Variants in CNIH3 observed in about 807,000 individuals in gnomAD.
CNIH3 encodes the protein cornichon family AMPA receptor auxiliary protein 3.
In CNIH3, 14 loss-of-function variants were observed where a neutral mutation model predicts 24.1. The observed-to-expected ratio is 0.58, with a 90% confidence interval of 0.38 to 0.91. The LOEUF (loss-of-function observed/expected upper bound fraction) is 0.91, where lower values mean the gene tolerates loss of function less well. CNIH3 is among the 40% of genes least tolerant of loss of function. The pLI is 0.00. For missense variants in CNIH3, 178 were observed against 196.8 expected (o/e 0.90, Z 0.57); for synonymous variants, 68 against 73.8 (o/e 0.92, Z 0.40).
chr1:224,545,251 C>G (rs1309194149), intron 2 of CNIH3, among the ~76,000 whole-genome samples: 1 of 152,164 alleles, frequency 6.6e-6, no homozygotes, highest in Non-Finnish European at 1.5e-5. Flanking sequence ...GGTGGGGACT[C>G]AAATGTGTGT....
At chr1:224,487,423 A>G (rs1677071076) in intron 1 of CNIH3, among the ~76,000 whole-genome samples, 1 of 152,170 alleles carries the variant, frequency 6.6e-6, no homozygotes, top group Non-Finnish European at 1.5e-5. Flanking sequence ...TCTCTCTCAC[A>G]CACACATATT....
At chr1:224,573,187 T>A (rs1680894720) in intron 4 of CNIH3, among the ~76,000 whole-genome samples, 1 of 152,234 alleles carries the variant, frequency 6.6e-6, no homozygotes, top group African/African-American at 2.4e-5. Flanking sequence ...CAAAGATTTG[T>A]TAATTTTGTT....
intron 3 of CNIH3, among the ~76,000 whole-genome samples, chr1:224,709,626 G>A (rs1367135845): frequency 2.0e-5 from 3 of 152,198 alleles, no homozygotes; most frequent in Non-Finnish European, 2.9e-5. Context: ...TAGAGAAAGA[G>A]GATGCCTGCA....
intron 1 of CNIH3, among the ~76,000 whole-genome samples, chr1:224,440,561 A>G (rs1326080462): frequency 1.3e-5 from 2 of 152,244 alleles, no homozygotes; most frequent in Admixed American, 6.5e-5. Flanking sequence ...GGTAATCACC[A>G]TGTACTGATA....
At chr1:224,445,574 TAAA>T (rs369951294) in intron 1 of CNIH3, among the ~76,000 whole-genome samples, 2 of 90,408 alleles carry the variant, frequency 2.2e-5, no homozygotes, top group South Asian at 8.7e-4. Flanking sequence ...GGACTCTGCT[TAAA>T]AAAAAAAAAA....
chr1:224,554,214 T>G (rs937085422), intron 3 of CNIH3, among the ~76,000 whole-genome samples: 1 of 152,186 alleles, frequency 6.6e-6, no homozygotes, highest in Admixed American at 6.5e-5. Flanking sequence ...CCTGACTTAG[T>G]GCAGGAGGAA....
chr1:224,637,984 A>G (rs1684176945), intron 1 of CNIH3, among the ~76,000 whole-genome samples: 1 of 152,272 alleles, frequency 6.6e-6, no homozygotes. Context: ...GAAAAGTAAA[A>G]TGAAGCAAAT....
intron 3 of CNIH3, among the ~76,000 whole-genome samples, chr1:224,609,671 TA>T (rs1682594250): frequency 1.3e-5 from 2 of 152,220 alleles, no homozygotes; most frequent in Admixed American, 1.3e-4. Context: ...AATTTTGTGT[TA>T]AATGAAACAT....
intron 3 of CNIH3, among the ~76,000 whole-genome samples, chr1:224,608,312 G>T (rs756649397): frequency 9.9e-5 from 15 of 152,166 alleles, no homozygotes; most frequent in Non-Finnish European, 1.5e-4. Flanking sequence ...ACTAGCCACA[G>T]ACAAAACCTC....
chr1:224,740,217 T>C lies in CNIH3; in HGVS notation c.*861T>C, dbSNP rs1274755818. 1.3e-5 allele frequency: 2 copies of C among 152,202 alleles called. No individual in the cohort carries two copies. The highest frequency in any genetic ancestry group is 2.9e-5 in the Non-Finnish European group (2 of 68,040). The allele number at this position is 152,202 out of a possible 1,614,324, so 9.4% of individuals were successfully genotyped here. A position where few individuals can be genotyped will look rare whatever the true frequency, so the allele number is the denominator to read the frequency against. Reference sequence around the variant, plus strand: ...GCAGCCAGGAAGTGAGACAACATAATTATAACTTTGTTTTATGATGCTGCA... The same window carrying C: ...GCAGCCAGGAAGTGAGACAACATAACTATAACTTTGTTTTATGATGCTGCA... On this transcript the variant is annotated 3_prime_UTR_variant, in exon 6 of 6. Coordinates refer to ENST00000272133, the MANE Select transcript of CNIH3 (RefSeq NM_152495.2).
At chr1:224,551,283 C>T (rs569997394) in intron 3 of CNIH3, among the ~76,000 whole-genome samples, 38 of 152,140 alleles carry the variant, frequency 2.5e-4, no homozygotes, top group African/African-American at 7.7e-4. Context: ...ATGTTTATTG[C>T]GGCATGATTC....
chr1:224,714,923 G>A (rs921050484), intron 3 of CNIH3, among the ~76,000 whole-genome samples: 2 of 152,148 alleles, frequency 1.3e-5, no homozygotes, highest in African/African-American at 4.8e-5. Context: ...TTCAGTCTTC[G>A]GACTAATCCA....
At chr1:224,692,483 G>A (rs146360938) in intron 3 of CNIH3, among the ~76,000 whole-genome samples, 78 of 152,282 alleles carry the variant, frequency 5.1e-4, no homozygotes, top group Non-Finnish European at 9.7e-4. Flanking sequence ...AAAGGGATAC[G>A]TAAACTCAAA....
intron 1 of CNIH3, chr1:224,437,175 T>C (rs1399586469): frequency 6.6e-6 from 1 of 152,184 alleles, no homozygotes; most frequent in Non-Finnish European, 1.5e-5. Flanking sequence ...CCTTCCCCTT[T>C]TCACCCTCCT....
upstream of CNIH3, among the ~76,000 whole-genome samples, chr1:224,513,319 T>TA (rs939664610): frequency 1.4e-5 from 2 of 142,176 alleles, no homozygotes; most frequent in African/African-American, 5.2e-5. Flanking sequence ...TGGTTAATTT[T>TA]TTTTTTTAAT....
In CNIH3 at chr1:224,617,072, G is replaced by A; in HGVS notation, c.-103G>A. Reference sequence around the variant, plus strand: ...CCCTCCTGGGCACTAGCCTGGAGAGGAGCGTGCAGACGCGGCTCCTTGGAG... The same window carrying A: ...CCCTCCTGGGCACTAGCCTGGAGAGAAGCGTGCAGACGCGGCTCCTTGGAG... On this transcript the variant is annotated 5_prime_UTR_variant, in exon 1 of 6. Transcript: ENST00000272133. 1 of 1,538,648 alleles carries A rather than the reference G, an allele frequency of 6.5e-7. No individual in the cohort carries two copies. The highest frequency in any genetic ancestry group is 8.7e-7 in the Non-Finnish European group (1 of 1,150,080).
chr1:224,652,741 TC>T (rs1224550240), intron 1 of CNIH3, among the ~76,000 whole-genome samples: 1 of 152,162 alleles, frequency 6.6e-6, no homozygotes, highest in Non-Finnish European at 1.5e-5. Flanking sequence ...TTTCTGGACT[TC>T]CAGAAACCAA....
upstream of CNIH3, among the ~76,000 whole-genome samples, chr1:224,612,905 A>G (rs1181952653): frequency 6.6e-6 from 1 of 152,262 alleles, no homozygotes; most frequent in Non-Finnish European, 1.5e-5. This position sits in a 1 kb window ranked among gnomAD's most constrained non-coding sequence, Gnocchi z 4.7. Flanking sequence ...ATAAAAAGCA[A>G]AAAAACAGCT....
intron 4 of CNIH3, among the ~76,000 whole-genome samples, chr1:224,732,763 C>T (rs1289102703): frequency 6.6e-6 from 1 of 152,124 alleles, no homozygotes; most frequent in Non-Finnish European, 1.5e-5. Flanking sequence ...GTGGGGCTAG[C>T]GCTTGTCCAA....
Sources: allele counts gnomAD v4.1 joint callset (sites outside exome capture counted in the v4.1 genomes callset), GRCh38; gene constraint gnomAD v4.1.1; non-coding constraint Gnocchi (gnomAD v3.1); transcripts MANE v1.5; gene names NCBI Gene and HGNC (gene_info 2026-07-23, HGNC 2026-07-21).